SLC22A9: variants seen among roughly 807,000 people sequenced by gnomAD.
The protein encoded by SLC22A9 is solute carrier family 22 member 9.
SLC22A9 carries 64 observed loss-of-function variants against 50.1 expected under a neutral mutation model. The observed-to-expected ratio is 1.28, with a 90% CI of 1.04 to 1.57. SLC22A9 has a LOEUF of 1.57. Ranked by LOEUF, SLC22A9 falls within the 40% of genes most tolerant of loss-of-function variation. The pLI is 0.00. For missense variants in SLC22A9, 757 were observed against 676.1 expected, an observed-to-expected ratio of 1.12 and a Z score of -1.33; for synonymous variants, 261 against 242.5, an observed-to-expected ratio of 1.08 and a Z score of -0.71.
In SLC22A9 at chr11:63,408,799, C is replaced by T. The variant is rs1270310024; in HGVS notation, c.1521C>T (p.Phe507=). The stretch of plus-strand genomic sequence containing the variant: ...GGATCATCTATGGAGTCTTCCCCTT[C>T]ATCTCTGGCTTTGCTTTCCTCCTCC... ...LPWIIYGVFP[F]ISGFAFLLLP... is the part of the protein sequence containing the mutation. The change falls in exon 9 of 10, where the codon TTC becomes TTT. Residue 507 remains phenylalanine, a synonymous_variant. Transcript: ENST00000279178. 1.2e-6 allele frequency: 2 copies of T among 1,614,022 alleles called. No individual in the cohort carries two copies. The highest frequency in any genetic ancestry group is 2.2e-5 in the South Asian group (2 of 91,088).
chr11:63,401,186 C>G (rs1479720324), intron 6 of SLC22A9, among the ~76,000 whole-genome samples: 1 of 151,840 alleles, frequency 6.6e-6, no homozygotes, highest in African/African-American at 2.4e-5. Flanking sequence ...TAAAAGGAAT[C>G]CATATTGGAA....
chr11:63,407,799 C>T (rs1470183563), intron 7 of SLC22A9, among the ~76,000 whole-genome samples: 1 of 152,126 alleles, frequency 6.6e-6, no homozygotes, highest in Non-Finnish European at 1.5e-5. Flanking sequence ...GCAGAGGAGT[C>T]CCTGGACGGA....
intron 6 of SLC22A9, among the ~76,000 whole-genome samples, chr11:63,406,049 G>A (rs1405672295): frequency 2.6e-5 from 4 of 152,168 alleles, no homozygotes; most frequent in Non-Finnish European, 1.5e-5. Flanking sequence ...ATATGAGTTT[G>A]AGACTTGGTT....
intron 6 of SLC22A9, among the ~76,000 whole-genome samples, chr11:63,385,834 A>G (rs1473322811): frequency 1.3e-5 from 2 of 152,130 alleles, no homozygotes; most frequent in East Asian, 3.9e-4. Context: ...TGCTATGTTG[A>G]ATAGGAATGG....
intron 5 of SLC22A9, among the ~76,000 whole-genome samples, chr11:63,377,795 G>C (rs1371628852): frequency 6.6e-6 from 1 of 151,884 alleles, no homozygotes; most frequent in African/African-American, 2.4e-5. Flanking sequence ...TAGATGGATA[G>C]ACTTTCTTAA....
intron 4 of SLC22A9, among the ~76,000 whole-genome samples, chr11:63,374,827 A>G (rs941022611): frequency 2.0e-5 from 3 of 152,114 alleles, no homozygotes; most frequent in African/African-American, 7.2e-5. Context: ...ATTTACTTTC[A>G]TAACTATCTA....
In SLC22A9 at chr11:63,410,087, C is replaced by A; in HGVS notation, c.*225C>A. On this transcript the variant is annotated 3_prime_UTR_variant, in exon 10 of 10. Transcript: ENST00000279178. ...AACCCTGTCTCTACTAAAACAAATA[C>A]AAAACTTCGCTGGGCACAGTGGCAC... 2.5e-6 allele frequency: 1 copy of A among 392,318 alleles called. No individual in the cohort carries two copies. The highest frequency in any genetic ancestry group is 4.7e-6 in the Non-Finnish European group (1 of 213,178). 24.3% of individuals were successfully genotyped at this position (392,318 alleles called of 1,614,324 possible).
At position 63,375,771 on chromosome 11, in the gene SLC22A9, G is replaced by GA. The variant is rs1448615796; in HGVS notation, c.954+4dup. 3 of 1,611,136 alleles carry GA rather than the reference G, an allele frequency of 1.9e-6. No homozygotes were observed. In the South Asian group the frequency reaches 3.3e-5, roughly 18 times the overall value. ...CCAGAGACACCCTAACCCTGGAGGTGAGCTGGATGGGAGCTAGATATGGGA... is the reference window on the plus strand; with the variant it reads ...CCAGAGACACCCTAACCCTGGAGGTGAAGCTGGATGGGAGCTAGATATGGGA... On this transcript the variant is annotated splice_donor_region_variant and intron_variant, in intron 5 of 9. Coordinates refer to ENST00000279178, the MANE Select transcript of SLC22A9 (RefSeq NM_080866.3).
intron 6 of SLC22A9, among the ~76,000 whole-genome samples, chr11:63,400,206 C>CA (rs2014929729): frequency 1.3e-5 from 2 of 151,484 alleles, no homozygotes; most frequent in African/African-American, 4.8e-5. Flanking sequence ...GAAATTGATA[C>CA]AAAAAATACA....
intron 5 of SLC22A9, among the ~76,000 whole-genome samples, chr11:63,376,646 C>A (rs2014465286): frequency 6.6e-6 from 1 of 151,916 alleles, no homozygotes; most frequent in Admixed American, 6.6e-5. Flanking sequence ...AATACATTTT[C>A]TCCCATTTTA....
chr11:63,376,684 C>T (rs954121411), intron 5 of SLC22A9, among the ~76,000 whole-genome samples: 1 of 151,678 alleles, frequency 6.6e-6, no homozygotes, highest in African/African-American at 2.4e-5. Context: ...TAAGAGCAAG[C>T]CTCTTAATAT....
chr11:63,401,044 C>T (rs1209902065), intron 6 of SLC22A9, among the ~76,000 whole-genome samples: 1 of 151,938 alleles, frequency 6.6e-6, no homozygotes, highest in Non-Finnish European at 1.5e-5. Flanking sequence ...CAGCTAACAC[C>T]ATAGAGAATG....
intron 6 of SLC22A9, among the ~76,000 whole-genome samples, chr11:63,403,078 A>G (rs2014976997): frequency 6.6e-6 from 1 of 152,154 alleles, no homozygotes; most frequent in South Asian, 2.1e-4. Flanking sequence ...GACAGATTCT[A>G]AGAATTTCAG....
chr11:63,400,114 A>G (rs2014927797), intron 6 of SLC22A9, among the ~76,000 whole-genome samples: 1 of 152,122 alleles, frequency 6.6e-6, no homozygotes, highest in South Asian at 2.1e-4. Flanking sequence ...GATGTACCTT[A>G]AAGAAGTAGA....
chr11:63,409,850 G>T lies in SLC22A9; in HGVS notation c.1650G>T (p.Val550=). ...AGCAAGAGGATCCGAGAGTGGAAGT[G>T]ACGCAGTTTTAAGGAATTCCAGGAG... ...EPKQEDPRVE[V]TQF Residue 550 remains valine, a synonymous_variant, in exon 10 of 10, where the codon GTG becomes GTT. Coordinates refer to ENST00000279178, the MANE Select transcript of SLC22A9 (RefSeq NM_080866.3). 1 of 1,613,676 alleles carries T rather than the reference G, an allele frequency of 6.2e-7. No homozygotes were observed. The highest frequency in any genetic ancestry group is 1.1e-5 in the South Asian group (1 of 91,066).
intron 6 of SLC22A9, among the ~76,000 whole-genome samples, chr11:63,388,226 T>C (rs2014702397): frequency 6.6e-6 from 1 of 152,152 alleles, no homozygotes; most frequent in Non-Finnish European, 1.5e-5. Context: ...GAGATGACAG[T>C]GGGCATCTTT....
At chr11:63,395,289 A>C (rs1163388779) in intron 6 of SLC22A9, among the ~76,000 whole-genome samples, 1 of 151,930 alleles carries the variant, frequency 6.6e-6, no homozygotes, top group African/African-American at 2.4e-5. Flanking sequence ...GAGCTAGTGT[A>C]ATGTTGGGGG....
intron 6 of SLC22A9, among the ~76,000 whole-genome samples, chr11:63,383,388 C>T (rs1035944482): frequency 1.2e-4 from 18 of 152,258 alleles, no homozygotes; most frequent in Middle Eastern, 3.4e-3. Context: ...ACAGACACCA[C>T]GGGCAGCCAG....
Position 63,371,249 on chromosome 11 carries a change from A to G in SLC22A9, c.506+11A>G. Reference sequence around the variant, plus strand: ...TCATTTATCAGACAGGTGAGTGTGTATGGAACACAGCTCTCTTTAAGGGCA... The same window carrying G: ...TCATTTATCAGACAGGTGAGTGTGTGTGGAACACAGCTCTCTTTAAGGGCA... On this transcript the variant is annotated intron_variant, in intron 2 of 9. Transcript: ENST00000279178. 1.3e-6 allele frequency: 2 copies of G among 1,588,240 alleles called. No individual in the cohort carries two copies. The highest frequency in any genetic ancestry group is 1.7e-6 in the Non-Finnish European group (2 of 1,157,184).
Sources: allele counts gnomAD v4.1 joint callset (sites outside exome capture counted in the v4.1 genomes callset), GRCh38; gene constraint gnomAD v4.1.1; transcripts MANE v1.5; gene names NCBI Gene and HGNC (gene_info 2026-07-23, HGNC 2026-07-21).